The following CFAP299 variants were observed in gnomAD, a reference collection of about 807,000 sequenced individuals.
CFAP299 encodes cilia and flagella associated protein 299.
A neutral mutation model predicts 27.0 loss-of-function variants in CFAP299; 21 were observed. That is an observed-to-expected ratio of 0.78 (90% CI 0.55 to 1.12). The LOEUF (loss-of-function observed/expected upper bound fraction) is 1.12. Ranked by LOEUF, CFAP299 falls within the 50% of genes most tolerant of loss-of-function variation. The pLI is 0.00. For missense variants in CFAP299, 310 were observed against 276.6 expected (o/e 1.12, Z -0.86); for synonymous variants, 104 against 98.1 (o/e 1.06, Z -0.36).
chr4:80,412,277 T>A (rs1296524923), intron 2 of CFAP299, among the ~76,000 whole-genome samples: 2 of 151,636 alleles, frequency 1.3e-5, no homozygotes, highest in Non-Finnish European at 2.9e-5. Flanking sequence ...ATAGTCCTTT[T>A]TTTTTTTTGC....
intron 3 of CFAP299, among the ~76,000 whole-genome samples, chr4:80,788,515 A>C (rs1344638702): frequency 2.0e-5 from 3 of 151,982 alleles, no homozygotes; most frequent in Non-Finnish European, 4.4e-5. Context: ...ATATATATGT[A>C]TATATGTGTA....
At chr4:80,639,380 T>G (rs980249701) in intron 3 of CFAP299, among the ~76,000 whole-genome samples, 1 of 152,136 alleles carries the variant, frequency 6.6e-6, no homozygotes, top group East Asian at 1.9e-4. Context: ...ATGGAGATGT[T>G]TTTTGGTGTG....
At chr4:80,433,694 T>G (rs1727930118) in intron 2 of CFAP299, among the ~76,000 whole-genome samples, 1 of 152,156 alleles carries the variant, frequency 6.6e-6, no homozygotes, top group Admixed American at 6.5e-5. Context: ...TGTAACATTT[T>G]ATAAATAAGT....
intron 3 of CFAP299, among the ~76,000 whole-genome samples, chr4:80,757,654 T>G (rs1435466575): frequency 6.6e-6 from 1 of 152,222 alleles, no homozygotes; most frequent in Admixed American, 6.5e-5. Flanking sequence ...GTTGACATTA[T>G]TTCGTTGTGA....
chr4:80,758,614 C>T (rs1296199494), intron 3 of CFAP299, among the ~76,000 whole-genome samples: 1 of 152,148 alleles, frequency 6.6e-6, no homozygotes. Context: ...TCTATCACTT[C>T]CTCATAGACC....
intron 3 of CFAP299, among the ~76,000 whole-genome samples, chr4:80,811,393 G>A (rs1201438804): frequency 6.6e-6 from 1 of 152,098 alleles, no homozygotes; most frequent in African/African-American, 2.4e-5. Context: ...TAATTCATTA[G>A]ATGAAAGTGT....
At chr4:80,556,972 A>G (rs940847909) in intron 2 of CFAP299, among the ~76,000 whole-genome samples, 3 of 152,092 alleles carry the variant, frequency 2.0e-5, no homozygotes, top group African/African-American at 4.8e-5. Flanking sequence ...CACCTTTTGT[A>G]TGGTATATAA....
At chr4:80,412,022 C>T (rs1209557373) in intron 2 of CFAP299, among the ~76,000 whole-genome samples, 1 of 152,100 alleles carries the variant, frequency 6.6e-6, no homozygotes, top group African/African-American at 2.4e-5. Context: ...TAGGGGCTTG[C>T]ATTAGGTCCC....
At chr4:80,606,215 C>T (rs1200700674) in intron 3 of CFAP299, among the ~76,000 whole-genome samples, 1 of 152,138 alleles carries the variant, frequency 6.6e-6, no homozygotes, top group Non-Finnish European at 1.5e-5. Context: ...TTCAGAAATA[C>T]TCTGAGTATA....
chr4:80,710,924 T>C (rs1722125707), intron 3 of CFAP299, among the ~76,000 whole-genome samples: 1 of 152,166 alleles, frequency 6.6e-6, no homozygotes, highest in African/African-American at 2.4e-5. Flanking sequence ...GACTGTGCTT[T>C]GGTCAAGGAT....
In CFAP299 at chr4:80,345,449, G is replaced by A. The variant is rs1010578217; in HGVS notation, c.111+9570G>A. Among the ~76,000 whole-genome samples, 14 of 69,000 alleles carry A rather than the reference G, an allele frequency of 2.0e-4. No homozygotes were observed. In the South Asian group the frequency reaches 4.4e-3, roughly 22 times the overall value. 45.3% of individuals were successfully genotyped at this position (69,000 alleles called of 152,430 possible). On this transcript the variant is annotated intron_variant, in intron 1 of 5. Transcript: ENST00000358105. Reference sequence around the variant, plus strand: ...CTCCCCCCAACCCATGACAGACCCCGGTGTGTGATGTTCCCCTCCCTGTGT... The same window carrying A: ...CTCCCCCCAACCCATGACAGACCCCAGTGTGTGATGTTCCCCTCCCTGTGT...
At chr4:80,840,030 C>T (rs1235762044) in intron 3 of CFAP299, among the ~76,000 whole-genome samples, 1 of 152,116 alleles carries the variant, frequency 6.6e-6, no homozygotes, top group Non-Finnish European at 1.5e-5. Flanking sequence ...TGTGAAAACC[C>T]ATATGCAAAG....
chr4:80,411,671 T>C (rs1726730099), intron 2 of CFAP299, among the ~76,000 whole-genome samples: 1 of 152,122 alleles, frequency 6.6e-6, no homozygotes, highest in African/African-American at 2.4e-5. Flanking sequence ...TTTTTTGTTA[T>C]TGTTTTGTTG....
At chr4:80,708,187 A>T (rs1721931357) in intron 3 of CFAP299, among the ~76,000 whole-genome samples, 1 of 152,002 alleles carries the variant, frequency 6.6e-6, no homozygotes, top group African/African-American at 2.4e-5. Context: ...TCATAGTTTG[A>T]CCAGTAGATG....
intron 3 of CFAP299, among the ~76,000 whole-genome samples, chr4:80,657,819 C>A (rs1182952993): frequency 1.3e-5 from 2 of 151,998 alleles, no homozygotes; most frequent in Non-Finnish European, 2.9e-5. Flanking sequence ...TTACATTGGG[C>A]AGGATGGCCA....
At chr4:80,578,600 C>G (rs1297452645) in intron 2 of CFAP299, among the ~76,000 whole-genome samples, 1 of 152,044 alleles carries the variant, frequency 6.6e-6, no homozygotes, top group Admixed American at 6.6e-5. Context: ...TAGTCATTTT[C>G]TTGGACTAAT....
At chr4:80,942,517 A>G (rs529564718) in intron 4 of CFAP299, among the ~76,000 whole-genome samples, 38 of 152,292 alleles carry the variant, frequency 2.5e-4, no homozygotes, top group African/African-American at 8.4e-4. Context: ...ATCAGCTACT[A>G]TAAAAAGCCT....
intron 3 of CFAP299, among the ~76,000 whole-genome samples, chr4:80,636,395 T>C (rs1739466820): frequency 6.6e-6 from 1 of 152,140 alleles, no homozygotes; most frequent in South Asian, 2.1e-4. Context: ...AGAAAAGCAA[T>C]AAAGTTTACA....
Position 80,832,530 on chromosome 4 carries a change from T to C in CFAP299, c.334-37463T>C, listed in dbSNP as rs1261497193. On this transcript the variant is annotated intron_variant, in intron 3 of 5. Transcript: ENST00000358105. Reference sequence around the variant, plus strand: ...AGCAGCTGGTTTCAAAAAAAGCTTATATAATTTTTTAAATATTAAATTTTC... The same window carrying C: ...AGCAGCTGGTTTCAAAAAAAGCTTACATAATTTTTTAAATATTAAATTTTC... Among the ~76,000 whole-genome samples the C allele has an allele frequency of 3.3e-5, 5 of 152,136 alleles. 1 individual carries two copies. The highest frequency in any genetic ancestry group is 1.2e-4 in the African/African-American group (5 of 41,464).
Sources: gnomAD v4.1 joint callset for allele counts (sites outside exome capture counted in the v4.1 genomes callset) on GRCh38, gnomAD v4.1.1 for gene constraint, MANE v1.5 for transcripts, NCBI Gene and HGNC (gene_info 2026-07-23, HGNC 2026-07-21) for gene names.